NCAPD2: variants seen among roughly 807,000 people sequenced by gnomAD.
The protein encoded by NCAPD2 is non-SMC condensin I complex subunit D2.
NCAPD2 carries 100 observed loss-of-function variants against 164.5 expected under a neutral mutation model. The ratio of observed to expected loss-of-function variants is 0.61; its 90% CI spans 0.52 to 0.72. The LOEUF (loss-of-function observed/expected upper bound fraction) is 0.72, where lower values mean the gene tolerates loss of function less well. Among genes scored for constraint, NCAPD2 ranks in the 30% least tolerant of loss-of-function variants. The pLI is 0.00. For missense variants in NCAPD2, 1,560 were observed against 1,749.2 expected, an observed-to-expected ratio of 0.89 and a Z score of 1.93; for synonymous variants, 585 against 642.6, an observed-to-expected ratio of 0.91 and a Z score of 1.36.
Position 6,531,125 on chromosome 12 carries a change from G to A in NCAPD2, c.4120+49G>A, listed in dbSNP as rs576234768. 3.1e-6 allele frequency: 5 copies of A among 1,607,748 alleles called. No individual in the cohort carries two copies. The South Asian group carries it at 4.4e-5, about 14-fold the overall frequency. The stretch of plus-strand genomic sequence containing the variant: ...GGCCGAGAAGGCACACAGCTAGGGT[G>A]CAGAGGGCTGGTTTCCATAGGACCT... On this transcript the variant is annotated intron_variant, in intron 31 of 31. Coordinates refer to ENST00000315579, the MANE Select transcript of NCAPD2 (RefSeq NM_014865.4). This position sits in a 1 kb window ranked among gnomAD's most constrained non-coding sequence, Gnocchi z 4.1.
At chr12:6,515,922 T>C (rs557266354) in intron 9 of NCAPD2, among the ~76,000 whole-genome samples, 3 of 152,150 alleles carry the variant, frequency 2.0e-5, no homozygotes, top group African/African-American at 7.2e-5. Context: ...CCAGGTGTGG[T>C]GGCTCACGCC....
rs750588842 is a variant in NCAPD2 at position 6,510,667 on chromosome 12, G to C, written c.301G>C (p.Asp101His). ...CTCCCAGGAGCTTCCAGCTATCCTGGATGATACAACTTTGAGTGGATCAGA... is the reference window on the plus strand; with the variant it reads ...CTCCCAGGAGCTTCCAGCTATCCTGCATGATACAACTTTGAGTGGATCAGA... ...RHSQELPAIL[D>H]DTTLSGSDRN... The change falls in exon 5 of 32, where the codon GAT (aspartate) becomes CAT (histidine). Residue 101 changes from aspartate to histidine, a missense_variant. Physicochemically the swap from Asp to His is moderately conservative, Grantham distance 81. Transcript: ENST00000315579. 8.7e-6 allele frequency: 14 copies of C among 1,614,064 alleles called. No homozygotes were observed. The highest frequency in any genetic ancestry group is 1.3e-5 in the African/African-American group (1 of 74,910).
chr12:6,507,774 G>A (rs1194635941), intron 2 of NCAPD2, among the ~76,000 whole-genome samples: 1 of 152,204 alleles, frequency 6.6e-6, no homozygotes, highest in Non-Finnish European at 1.5e-5. Context: ...AATAAGGAAA[G>A]GAATGTGAGC....
rs544989512 is a variant in NCAPD2, at chr12:6,529,674, C to T, written c.3653+81C>T. Reference sequence around the variant, plus strand: ...AGGCCCATCCCTCACCCCTTCAATGCCCCCACTGTGGCATCCCTGGGACTG... The same window carrying T: ...AGGCCCATCCCTCACCCCTTCAATGTCCCCACTGTGGCATCCCTGGGACTG... On this transcript the variant is annotated intron_variant, in intron 28 of 31. Transcript: ENST00000315579. 3.6e-4 allele frequency: 574 copies of T among 1,597,684 alleles called. 6 individuals are homozygous for T. In the Middle Eastern group the frequency reaches 5.6e-3, roughly 16 times the overall value.
Position 6,517,994 on chromosome 12 carries a change from T to C in NCAPD2, c.1589+35T>C, listed in dbSNP as rs185705485. ...AGAATGGGATATTCTTCGTGATCTG[T>C]TTATGTTTAGAGTTAACCTTTGAGA... On this transcript the variant is annotated intron_variant, in intron 13 of 31. Transcript: ENST00000315579. The C allele has an allele frequency of 8.5e-4, 1,361 of 1,600,798 alleles. 6 individuals carry two copies. Among genetic ancestry groups the C allele is most frequent in the Middle Eastern group, 4.6e-3 (22 of 4,792 alleles).
chr12:6,513,735 TGA>T (rs1565542506), intron 6 of NCAPD2, among the ~76,000 whole-genome samples: 2 of 92,826 alleles, frequency 2.2e-5, no homozygotes, highest in African/African-American at 4.5e-5. Context: ...TTTTTTTTTG[TGA>T]TGGAGTCTCG....
chr12:6,517,835 A>G lies in NCAPD2; in HGVS notation c.1465A>G (p.Thr489Ala). ...WEAMLPELKS[T>A]LQQLLQLPQG... ...AGCCATGCTGCCAGAGTTGAAGTCT[A>G]CCCTGCAGCAGCTTCTACAGCTTCC... The change falls in exon 13 of 32, where the codon ACC becomes GCC. Residue 489 changes from threonine (T) to alanine (A), a missense_variant. Thr to Ala is a moderately conservative substitution (Grantham distance 58). Coordinates refer to ENST00000315579, the MANE Select transcript of NCAPD2 (RefSeq NM_014865.4). 1 of 1,614,156 alleles carries G rather than the reference A, an allele frequency of 6.2e-7. No individual in the cohort carries two copies. The highest frequency in any genetic ancestry group is 8.5e-7 in the Non-Finnish European group (1 of 1,180,028).
Position 6,517,469 on chromosome 12 carries a change from T to C in NCAPD2, c.1290T>C (p.Ser430=), listed in dbSNP as rs1437442718. The C allele has an allele frequency of 1.2e-6, 2 of 1,614,094 alleles. No individual in the cohort carries two copies. Among genetic ancestry groups the C allele is most frequent in the African/African-American group, 2.7e-5 (2 of 74,906 alleles). Residue 430 remains serine (S), a synonymous_variant, in exon 11 of 32, where the codon AGT becomes AGC. Transcript: ENST00000315579. ...AAAATGCCATCCAGCTGCTGGCCAG[T>C]TTTCTAGCCAATAATCCTTTCTCCT... ...VCKNAIQLLA[S]FLANNPFSCK...
chr12:6,521,750 C>T (rs79236631), intron 14 of NCAPD2, 48 bp from the exon 15 acceptor site: 16,794 of 1,598,234 alleles, frequency 0.011, 195 homozygotes, highest in Middle Eastern at 0.023. Flanking sequence ...GTTGGATTCC[C>T]CTGTATCCCC....
At chr12:6,499,649 C>T (rs1946016997) in intron 2 of NCAPD2, among the ~76,000 whole-genome samples, 1 of 152,094 alleles carries the variant, frequency 6.6e-6, no homozygotes, top group Non-Finnish European at 1.5e-5. Context: ...AACTTGGCCT[C>T]CCAAAGTTCT....
Position 6,528,400 on chromosome 12 carries a change from C to T in NCAPD2, c.3299+72C>T. 1 of 1,580,996 alleles carries T rather than the reference C, an allele frequency of 6.3e-7. No homozygotes were observed. Among genetic ancestry groups the T allele is most frequent in the Non-Finnish European group, 8.7e-7 (1 of 1,153,370 alleles). ...GTCTGTTGAGAGTCAGTGTGAGAAT[C>T]ACCAGGGCTCTTCCCCTAGGCTTTG... On this transcript the variant is annotated intron_variant, in intron 25 of 31. Coordinates refer to ENST00000315579, the MANE Select transcript of NCAPD2 (RefSeq NM_014865.4). This position sits in a 1 kb window ranked among gnomAD's most constrained non-coding sequence, Gnocchi z 5.1.
At chr12:6,524,122 A>G (rs1946293453) in intron 17 of NCAPD2, among the ~76,000 whole-genome samples, 1 of 152,192 alleles carries the variant, frequency 6.6e-6, no homozygotes, top group Non-Finnish European at 1.5e-5. Flanking sequence ...TCTAGAAAAC[A>G]TACTCTTAAC....
intron 2 of NCAPD2, among the ~76,000 whole-genome samples, chr12:6,505,288 G>A (rs1220759824): frequency 6.6e-6 from 1 of 152,060 alleles, no homozygotes; most frequent in Non-Finnish European, 1.5e-5. Flanking sequence ...CTGGTCTCGA[G>A]CTCCTCACCT....
chr12:6,504,786 C>T (rs763459481), intron 2 of NCAPD2, among the ~76,000 whole-genome samples: 2 of 152,138 alleles, frequency 1.3e-5, no homozygotes, highest in Admixed American at 1.3e-4. Flanking sequence ...AAGGAAAATA[C>T]ATGTTCAGTA....
intron 2 of NCAPD2, among the ~76,000 whole-genome samples, chr12:6,497,713 G>A (rs950223205): frequency 6.0e-5 from 9 of 150,756 alleles, no homozygotes; most frequent in East Asian, 5.9e-4. Flanking sequence ...TCCGCCTCCC[G>A]AGTTCAAGTG....
rs56183938 is a variant in NCAPD2 at position 6,518,504 on chromosome 12, GTT to G, written c.1589+574_1589+575del. ...CAAAAGCCCTTACAGCCGTCAACAA[GTT>G]TTTTTTTTTTTTTTTTTTTTTTTTT... On this transcript the variant is annotated intron_variant, in intron 13 of 31. Transcript: ENST00000315579. Among the ~76,000 whole-genome samples the G allele has an allele frequency of 7.7e-3, 344 of 44,650 alleles. 3 individuals carry two copies. The highest frequency in any genetic ancestry group is 0.032 in the African/African-American group (314 of 9,676). The allele number at this position is 44,650 out of a possible 152,430, so 29.3% of individuals were successfully genotyped here.
intron 14 of NCAPD2, 49 bp downstream of exon 14, chr12:6,521,159 T>G: frequency 1.2e-6 from 2 of 1,602,146 alleles, no homozygotes; most frequent in Non-Finnish European, 1.7e-6. Context: ...TCAACTGGTA[T>G]TTACTGAGCA....
Position 6,529,929 on chromosome 12 carries a change from C to T in NCAPD2, c.3808C>T (p.Leu1270=). ...TGCTTTTTTGTCAGTTGTAGGCAAG[C>T]TGCGACGTGGGGCCAAGCCTGAGGG... The part of the protein sequence containing the change: ...FSAFLSVVGK[L]RRGAKPEGKA... The change falls in exon 29 of 32, where the codon CTG becomes TTG. Residue 1270 remains leucine, a synonymous_variant. Transcript: ENST00000315579. 1.2e-6 allele frequency: 2 copies of T among 1,614,002 alleles called. No individual in the cohort carries two copies. The highest frequency in any genetic ancestry group is 1.7e-6 in the Non-Finnish European group (2 of 1,179,890).
intron 1 of NCAPD2, among the ~76,000 whole-genome samples, chr12:6,494,596 T>C (rs528616101): frequency 4.0e-4 from 61 of 152,238 alleles, no homozygotes; most frequent in Non-Finnish European, 7.2e-4. Flanking sequence ...TGGGGCACTG[T>C]TTTGGCCTCA....
Sources: allele counts gnomAD v4.1 joint callset (sites outside exome capture counted in the v4.1 genomes callset), GRCh38; gene constraint gnomAD v4.1.1; non-coding constraint Gnocchi (gnomAD v3.1); transcripts MANE v1.5; gene names NCBI Gene and HGNC (gene_info 2026-07-23, HGNC 2026-07-21).